NLK: variants seen among roughly 807,000 people sequenced by gnomAD.
NLK encodes the protein nemo like kinase.
Under a neutral mutation model 59.0 loss-of-function variants are expected in NLK, and 11 were observed. The ratio of observed to expected loss-of-function variants is 0.19; its 90% CI spans 0.12 to 0.31. The LOEUF is 0.31. Ranked by LOEUF, NLK falls within the 10% of genes least tolerant of loss-of-function variation. The probability of loss-of-function intolerance (pLI) is 1.00; values close to 1 mark genes in which losing one functional copy is unlikely to be tolerated. For synonymous variants in NLK, 235 were observed against 235.9 expected (o/e 1.00, Z 0.03); for missense variants, 410 against 661.1 (o/e 0.62, Z 4.16).
rs1404016481 is a variant in NLK, at chr17:28,066,588, A to G, written c.458+23257A>G. Among the ~76,000 whole-genome samples, 4 of 152,356 alleles carry G rather than the reference A, an allele frequency of 2.6e-5. No homozygotes were observed. In the East Asian group the frequency reaches 5.8e-4, roughly 22 times the overall value. Reference sequence around the variant, plus strand: ...AAATTGGAATGAATATTCATTTACAATATTTCTGTGGACATAGGCTTTCAT... The same window carrying G: ...AAATTGGAATGAATATTCATTTACAGTATTTCTGTGGACATAGGCTTTCAT... On this transcript the variant is annotated intron_variant, in intron 1 of 10. Coordinates refer to ENST00000407008, the MANE Select transcript of NLK (RefSeq NM_016231.5).
chr17:28,070,603 G>A (rs1045199396), intron 1 of NLK, among the ~76,000 whole-genome samples: 6 of 151,604 alleles, frequency 4.0e-5, no homozygotes, highest in African/African-American at 9.7e-5. Context: ...CTCCCACCTC[G>A]GCCTCCCAAA....
At chr17:28,168,300 C>T (rs1908323986) in intron 5 of NLK, 148 bp from the exon 6 acceptor site, 2 of 610,920 alleles carry the variant, frequency 3.3e-6, no homozygotes, top group African/African-American at 1.9e-5. Flanking sequence ...TGTGCCACTG[C>T]ACTCCAGCCT....
chr17:28,074,563 A>G (rs1910109924), intron 1 of NLK, among the ~76,000 whole-genome samples: 1 of 152,040 alleles, frequency 6.6e-6, no homozygotes, highest in Admixed American at 6.6e-5. Context: ...TGTTTTTTCT[A>G]TGGTGAATTA....
chr17:28,116,871 G>A (rs945442133), intron 1 of NLK, among the ~76,000 whole-genome samples: 3 of 152,154 alleles, frequency 2.0e-5, no homozygotes, highest in African/African-American at 2.4e-5. Flanking sequence ...TTTTACTTGC[G>A]CTTTGTGACC....
At chr17:28,081,985 C>G (rs532283540) in intron 1 of NLK, among the ~76,000 whole-genome samples, 1 of 152,310 alleles carries the variant, frequency 6.6e-6, no homozygotes, top group East Asian at 1.9e-4. Context: ...CCTCTACCTC[C>G]CAGGTTCAAG....
At chr17:28,203,979 C>T in the NLK span, among the ~76,000 whole-genome samples, 57 of 152,318 alleles carry the variant, frequency 3.7e-4, no homozygotes, top group African/African-American at 1.3e-3. Flanking sequence ...CTCGTTTCCC[C>T]GCTGTTTTTA....
At chr17:28,111,896 G>GTGTGTGGTGTGT (rs1394476582) in intron 1 of NLK, among the ~76,000 whole-genome samples, 29 of 67,538 alleles carry the variant, frequency 4.3e-4, no homozygotes, top group African/African-American at 1.2e-3. Flanking sequence ...GTGTGTGTGT[G>GTGTGTGGTGTGT]GTGTGTGTGT....
chr17:28,168,380 T>C (rs1908328937), intron 5 of NLK, 68 bp from the exon 6 acceptor site: 1 of 1,208,426 alleles, frequency 8.3e-7, no homozygotes, highest in South Asian at 1.3e-5. Flanking sequence ...CTATCAAAAT[T>C]TTGATGTTTT....
At chr17:28,084,907 G>A (rs1016820001) in intron 1 of NLK, among the ~76,000 whole-genome samples, 4 of 152,078 alleles carry the variant, frequency 2.6e-5, no homozygotes, top group African/African-American at 7.2e-5. Flanking sequence ...TCCATGCTGC[G>A]CAAAAGTTTG....
intron 1 of NLK, among the ~76,000 whole-genome samples, chr17:28,071,831 A>G (rs1437010761): frequency 6.6e-6 from 1 of 152,224 alleles, no homozygotes; most frequent in Non-Finnish European, 1.5e-5. Context: ...AAGGTTGCTA[A>G]AAGATTATTT....
At chr17:28,198,771 G>A (rs977928616), downstream of NLK, among the ~76,000 whole-genome samples, 1 of 152,132 alleles carries the variant, frequency 6.6e-6, no homozygotes, top group Non-Finnish European at 1.5e-5. Flanking sequence ...AAAACTTCCT[G>A]GGTTGCCAAC....
intron 3 of NLK, among the ~76,000 whole-genome samples, chr17:28,158,765 T>C (rs1041263878): frequency 6.6e-5 from 10 of 152,134 alleles, no homozygotes; most frequent in Non-Finnish European, 4.4e-5. Flanking sequence ...CAATAACTGC[T>C]AGGACTACAG....
At chr17:28,077,300 A>G (rs1416853311) in intron 1 of NLK, among the ~76,000 whole-genome samples, 3 of 151,202 alleles carry the variant, frequency 2.0e-5, no homozygotes, top group Non-Finnish European at 4.4e-5. Flanking sequence ...GGCGAAAGGC[A>G]CCTCTTAACA....
chr17:28,123,005 A>G (rs577731618), intron 2 of NLK, among the ~76,000 whole-genome samples: 1 of 152,266 alleles, frequency 6.6e-6, no homozygotes, highest in African/African-American at 2.4e-5. Flanking sequence ...TTCCTTTTAT[A>G]TATACTCTTT....
At chr17:28,085,727 C>A (rs1910491555) in intron 1 of NLK, among the ~76,000 whole-genome samples, 1 of 151,968 alleles carries the variant, frequency 6.6e-6, no homozygotes, top group South Asian at 2.1e-4. Context: ...GATGACAGAG[C>A]AAGACCCAGT....
chr17:28,197,647 A>C (rs990908476), downstream of NLK, among the ~76,000 whole-genome samples: 8 of 152,242 alleles, frequency 5.3e-5, no homozygotes, highest in African/African-American at 1.9e-4. Flanking sequence ...GGCTATAATC[A>C]CCTACAATTT....
At chr17:28,113,782 A>G (rs1905629751) in intron 1 of NLK, among the ~76,000 whole-genome samples, 2 of 151,664 alleles carry the variant, frequency 1.3e-5, no homozygotes, top group Admixed American at 6.6e-5. Flanking sequence ...ATTTTACCCA[A>G]CCCCCATTCA....
intron 3 of NLK, among the ~76,000 whole-genome samples, chr17:28,134,392 C>A (rs914071459): frequency 6.6e-6 from 1 of 152,088 alleles, no homozygotes; most frequent in Non-Finnish European, 1.5e-5. Flanking sequence ...CAGAGTGAGA[C>A]CTCGCCCTCC....
intron 1 of NLK, among the ~76,000 whole-genome samples, chr17:28,045,950 A>G (rs932963727): frequency 6.6e-6 from 1 of 152,240 alleles, no homozygotes; most frequent in African/African-American, 2.4e-5. Context: ...CCATGTAACT[A>G]ACTACCGGGG....
Sources: allele counts gnomAD v4.1 joint callset (sites outside exome capture counted in the v4.1 genomes callset), GRCh38; gene constraint gnomAD v4.1.1; transcripts MANE v1.5; gene names NCBI Gene and HGNC (gene_info 2026-07-23, HGNC 2026-07-21).